MUC4: variants seen among roughly 807,000 people sequenced by gnomAD.
The protein encoded by MUC4 is mucin 4, cell surface associated.
MUC4 carries 202 observed loss-of-function variants against 257.9 expected under a neutral mutation model. That is an observed-to-expected ratio of 0.78 (90% CI 0.70 to 0.88). The LOEUF (loss-of-function observed/expected upper bound fraction) is 0.88, where lower values mean the gene tolerates loss of function less well. Ranked by LOEUF, MUC4 falls within the 40% of genes least tolerant of loss-of-function variation. The probability of loss-of-function intolerance (pLI) is 0.00; values close to 1 mark genes in which losing one functional copy is unlikely to be tolerated. For missense variants in MUC4, 5,976 were observed against 6,513.7 expected (o/e 0.92, Z 2.84); for synonymous variants, 2,351 against 2,757.1 (o/e 0.85, Z 4.62).
At chr3:195,767,456 C>A (rs147637906) in intron 7 of MUC4, among the ~76,000 whole-genome samples, 7,472 of 139,768 alleles carry the variant, frequency 0.053, 280 homozygotes, top group Admixed American at 0.081. Context: ...ACCACCACCA[C>A]CAACACTACC....
At position 195,786,945 on chromosome 3, in the gene MUC4, T is replaced by A. The variant is rs1475708569; in HGVS notation, c.4635A>T (p.Ala1545=). The part of the protein sequence containing the change: ...MPLPVTSPSS[A]STGDTTPLPV... ...GAAGAGGGGTGGTGTCACCTGTGGATGCTGAGGAAGGGCTAGTGACAGGAA... is the reference window on the plus strand; with the variant it reads ...GAAGAGGGGTGGTGTCACCTGTGGAAGCTGAGGAAGGGCTAGTGACAGGAA... Residue 1545 remains alanine (A), a synonymous_variant, in exon 2 of 25, where the codon GCA becomes GCT. Transcript: ENST00000463781. 4.4e-6 allele frequency: 4 copies of A among 910,994 alleles called. No homozygotes were observed. Among genetic ancestry groups the A allele is most frequent in the African/African-American group, 3.5e-5 (2 of 57,482 alleles). 56.4% of individuals were successfully genotyped at this position (910,994 alleles called of 1,614,324 possible).
intron 16 of MUC4, among the ~76,000 whole-genome samples, chr3:195,760,052 G>C (rs368715679): frequency 1.2e-4 from 18 of 151,030 alleles, no homozygotes; most frequent in African/African-American, 3.9e-4. Flanking sequence ...TTTCATAGTT[G>C]CTTCACACAT....
chr3:195,795,001 T>A (rs1734397117), intron 1 of MUC4, among the ~76,000 whole-genome samples: 1 of 152,240 alleles, frequency 6.6e-6, no homozygotes, highest in Admixed American at 6.5e-5. Context: ...ATGACTCCAC[T>A]TCAACTTTAA....
intron 4 of MUC4, among the ~76,000 whole-genome samples, chr3:195,772,641 CCT>C (rs1180311440): frequency 7.4e-6 from 1 of 134,808 alleles, no homozygotes; most frequent in Non-Finnish European, 1.6e-5. Context: ...GGGGTGGAAA[CCT>C]CTCTCTATCA....
At chr3:195,760,152 A>G (rs1250670100) in intron 16 of MUC4, among the ~76,000 whole-genome samples, 5 of 152,226 alleles carry the variant, frequency 3.3e-5, no homozygotes, top group Admixed American at 1.3e-4. Flanking sequence ...ATGAATAATT[A>G]AAAAGATACC....
chr3:195,797,665 G>C (rs1313377630), intron 1 of MUC4, among the ~76,000 whole-genome samples: 1 of 152,172 alleles, frequency 6.6e-6, no homozygotes, highest in African/African-American at 2.4e-5. Context: ...TAAACAAAAA[G>C]TATGAGAGTA....
chr3:195,797,183 T>C (rs1734679718), intron 1 of MUC4, among the ~76,000 whole-genome samples: 1 of 151,756 alleles, frequency 6.6e-6, no homozygotes, highest in African/African-American at 2.4e-5. Context: ...GCACGAGAAT[T>C]GCTTGAACCC....
At chr3:195,798,513 C>T (rs1436367325) in intron 1 of MUC4, among the ~76,000 whole-genome samples, 2 of 152,064 alleles carry the variant, frequency 1.3e-5, no homozygotes, top group African/African-American at 2.4e-5. Context: ...ACCATCCTGG[C>T]TAACAGGGTG....
chr3:195,792,362 C>G (rs1733968708), intron 1 of MUC4, among the ~76,000 whole-genome samples: 1 of 152,104 alleles, frequency 6.6e-6, no homozygotes, highest in Non-Finnish European at 1.5e-5. Flanking sequence ...TTTATGCCAC[C>G]AACAAACATA....
chr3:195,790,936 G>A lies in MUC4; in HGVS notation c.644C>T (p.Thr215Ile). 6.2e-7 allele frequency: 1 copy of A among 1,614,008 alleles called. No homozygotes were observed. The highest frequency in any genetic ancestry group is 8.5e-7 in the Non-Finnish European group (1 of 1,179,888). The part of the protein sequence containing the change: ...TTRESQTSTL[T>I]HRTTSTPSFS... ...AGAAGGAGTTGAAGTGGTTCTGTGT[G>A]TTAGGGTGCTGGTTTGAGATTCCCT... is the stretch of plus-strand genomic sequence containing the variant. Residue 215 changes from threonine to isoleucine, a missense_variant, in exon 2 of 25, where the codon ACA (threonine) becomes ATA (isoleucine). Transcript: ENST00000463781.
In MUC4 at chr3:195,747,207, TAGG is replaced by T. The variant is rs1560207706; in HGVS notation, c.16205_16207del (p.Ser5402del). 4 of 1,614,118 alleles carry T rather than the reference TAGG, an allele frequency of 2.5e-6. No homozygotes were observed. The highest frequency in any genetic ancestry group is 3.4e-6 in the Non-Finnish European group (4 of 1,180,038). On this transcript the variant is annotated inframe_deletion, in exon 25 of 25. Transcript: ENST00000463781. Reference sequence around the variant, plus strand: ...CAAGGCCTCAGCTGAGTTCAGGAAATAGGAGAACCTGGCCCCGGAGCAACCCCA... The same window carrying T: ...CAAGGCCTCAGCTGAGTTCAGGAAATAGAACCTGGCCCCGGAGCAACCCCA...
chr3:195,762,992 CG>C (rs1719560558), intron 12 of MUC4, 47 bp from the exon 13 acceptor site: 2 of 1,433,620 alleles, frequency 1.4e-6, no homozygotes, highest in Non-Finnish European at 1.9e-6. Context: ...CAGGTGGAGC[CG>C]ACGCCCAGGA....
At position 195,761,167 on chromosome 3, in the gene MUC4, C is replaced by T. The variant is rs199781665; in HGVS notation, c.14615-50G>A. ...ACCAGGCATGGCACTCAGCCTTATT[C>T]CATCTGTGTCCACCTCTACCCCTCA... On this transcript the variant is annotated intron_variant, in intron 15 of 24. Coordinates refer to ENST00000463781, the MANE Select transcript of MUC4 (RefSeq NM_018406.7). 1.2e-4 allele frequency: 181 copies of T among 1,523,470 alleles called. No individual in the cohort carries two copies. The African/African-American group carries it at 2.3e-3, about 19-fold the overall frequency. The allele number at this position is 1,523,470 out of a possible 1,614,324, so 94.4% of individuals were successfully genotyped here.
rs528677619 is a variant in MUC4 at position 195,754,352 on chromosome 3, G to A, written c.15189C>T (p.Asp5063=). 49 of 1,610,078 alleles carry A rather than the reference G, an allele frequency of 3.0e-5. No individual in the cohort carries two copies. In the East Asian group the frequency reaches 3.6e-4, roughly 12 times the overall value. The part of the protein sequence containing the change: ...SSLEVAGCKC[D]GGTFGRYCEG... The stretch of plus-strand genomic sequence containing the variant: ...CGCAGTAGCGGCCGAAGGTGCCCCC[G>A]TCACACTTGCAGCCAGCCACCTGGA... Residue 5063 remains aspartate (D), a synonymous_variant, in exon 19 of 25, where the codon GAC becomes GAT. Coordinates refer to ENST00000463781, the MANE Select transcript of MUC4 (RefSeq NM_018406.7).
rs758432676 is a variant in MUC4, at chr3:195,762,236, G to A, written c.14363C>T (p.Ala4788Val). ...EDGGGQETFNATGVLLSRNGS... is the reference protein window; with the variant it reads ...EDGGGQETFNVTGVLLSRNGS... ...GTTGCGGCTCAGGAGGACTCCGGTG[G>A]CGTTGAACGTCTCCTGGCCTGGAGC... Residue 4788 changes from alanine to valine, a missense_variant, in exon 14 of 25, where the codon GCC becomes GTC. Physicochemically the swap from Ala to Val is moderately conservative, Grantham distance 64. Around this residue, in one of 44 missense-constraint regions of MUC4, gnomAD observed 996 missense variants for 1,137.3 expected, o/e 0.88. Coordinates refer to ENST00000463781, the MANE Select transcript of MUC4 (RefSeq NM_018406.7). 21 of 1,586,876 alleles carry A rather than the reference G, an allele frequency of 1.3e-5. No homozygotes were observed.
chr3:195,811,625 C>A, intron 1 of MUC4, 111 bp downstream of exon 1: 1 of 921,658 alleles, frequency 1.1e-6, no homozygotes, highest in Non-Finnish European at 1.7e-6. Context: ...TCTCCCTTTC[C>A]CCTATTCTCT....
Position 195,810,267 on chromosome 3 carries a change from T to C in MUC4, c.82+1469A>G, listed in dbSNP as rs1291040723. Reference sequence around the variant, plus strand: ...AAACGGCACTCGCCTTCTGACTCACTCCCAGGAAGCTCCTCAAATATGCGC... The same window carrying C: ...AAACGGCACTCGCCTTCTGACTCACCCCCAGGAAGCTCCTCAAATATGCGC... On this transcript the variant is annotated intron_variant, in intron 1 of 24. Coordinates refer to ENST00000463781, the MANE Select transcript of MUC4 (RefSeq NM_018406.7). This position sits in a 1 kb window ranked among gnomAD's most constrained non-coding sequence, Gnocchi z 4.2. 6.6e-6 allele frequency: 1 copy of C among 152,260 alleles called. No homozygotes were observed. Among genetic ancestry groups the C allele is most frequent in the Non-Finnish European group, 1.5e-5 (1 of 68,104 alleles). 9.4% of individuals were successfully genotyped at this position (152,260 alleles called of 1,614,324 possible). A position where few individuals can be genotyped will look rare whatever the true frequency, so the allele number is the denominator to read the frequency against.
At chr3:195,770,977 T>A (rs1469234442) in intron 5 of MUC4, 1 of 412,178 alleles carries the variant, frequency 2.4e-6, no homozygotes, top group Non-Finnish European at 5.0e-6. Context: ...TCCTGGTCAG[T>A]CTCGCGGCCG....
chr3:195,746,877 T>A lies in MUC4; in HGVS notation c.*299A>T. ...GCTTAACTTAGGGCCATCACCACAT[T>A]ATGAACTCGTGTGTGTGTGTGTGTG... On this transcript the variant is annotated 3_prime_UTR_variant, in exon 25 of 25. Coordinates refer to ENST00000463781, the MANE Select transcript of MUC4 (RefSeq NM_018406.7). 4.2e-6 allele frequency: 2 copies of A among 472,154 alleles called. No individual in the cohort carries two copies. The highest frequency in any genetic ancestry group is 7.9e-5 in the South Asian group (2 of 25,266). The allele number at this position is 472,154 out of a possible 1,614,324, so 29.2% of individuals were successfully genotyped here.
Sources: gnomAD v4.1 joint callset for allele counts (sites outside exome capture counted in the v4.1 genomes callset) on GRCh38, gnomAD v4.1.1 for gene constraint, gnomAD v4.1.1 regional missense constraint, Gnocchi (gnomAD v3.1) non-coding constraint, MANE v1.5 for transcripts, NCBI Gene and HGNC (gene_info 2026-07-23, HGNC 2026-07-21) for gene names.